ADAM23: variants seen among roughly 807,000 people sequenced by gnomAD.
The protein encoded by ADAM23 is disintegrin and metalloproteinase domain-containing protein 23.
A neutral mutation model predicts 120.1 loss-of-function variants in ADAM23; 33 were observed. The ratio of observed to expected loss-of-function variants is 0.27; its 90% confidence interval spans 0.21 to 0.37. The LOEUF (loss-of-function observed/expected upper bound fraction) is 0.37. Among genes scored for constraint, ADAM23 ranks in the 10% least tolerant of loss-of-function variants. The pLI, the probability that ADAM23 is intolerant of heterozygous loss-of-function variation, is 1.00. For missense variants in ADAM23, 862 were observed against 1,058.2 expected (o/e 0.81, Z 2.57); for synonymous variants, 367 against 375.2 (o/e 0.98, Z 0.25).
intron 17 of ADAM23, 119 bp downstream of exon 17, chr2:206,571,935 G>A: frequency 1.3e-6 from 1 of 767,574 alleles, no homozygotes. Flanking sequence ...GTACATATTA[G>A]CCTGGCAGTT....
chr2:206,532,049 T>C (rs1697075748), intron 4 of ADAM23, among the ~76,000 whole-genome samples: 1 of 152,224 alleles, frequency 6.6e-6, no homozygotes, highest in Non-Finnish European at 1.5e-5. Flanking sequence ...AGTTGTCAGT[T>C]CTTGCCTTAG....
At chr2:206,448,498 TG>T in intron 2 of ADAM23, among the ~76,000 whole-genome samples, 1 of 62,506 alleles carries the variant, frequency 1.6e-5, no homozygotes, top group South Asian at 5.8e-4. Flanking sequence ...TCCAGAGTGA[TG>T]AGTGTCTTTC....
chr2:206,554,190 A>T (rs1574530440), intron 9 of ADAM23, among the ~76,000 whole-genome samples: 1 of 152,162 alleles, frequency 6.6e-6, no homozygotes, highest in African/African-American at 2.4e-5. Context: ...AAAAATGCAG[A>T]TATCTTATTT....
intron 9 of ADAM23, among the ~76,000 whole-genome samples, chr2:206,553,592 C>T (rs1423364496): frequency 6.6e-6 from 1 of 152,090 alleles, no homozygotes; most frequent in Non-Finnish European, 1.5e-5. Context: ...CCATAATAGT[C>T]CCAAATACGT....
chr2:206,452,948 C>A (rs193023802), intron 2 of ADAM23, among the ~76,000 whole-genome samples: 1 of 152,162 alleles, frequency 6.6e-6, no homozygotes, highest in Non-Finnish European at 1.5e-5. Context: ...TCTGTCAATC[C>A]ATCAGTCCCA....
intron 4 of ADAM23, among the ~76,000 whole-genome samples, chr2:206,534,529 G>A (rs1320238279): frequency 6.6e-6 from 1 of 151,336 alleles, no homozygotes. Context: ...CTCTTAGCAT[G>A]TTTCAAGTAC....
chr2:206,610,519 G>A (rs1225724939), intron 25 of ADAM23, among the ~76,000 whole-genome samples: 1 of 152,162 alleles, frequency 6.6e-6, no homozygotes, highest in Non-Finnish European at 1.5e-5. Flanking sequence ...AAAAGTATTT[G>A]TATAATCCTC....
intron 25 of ADAM23, among the ~76,000 whole-genome samples, chr2:206,612,063 C>G (rs1457180233): frequency 1.3e-5 from 2 of 152,030 alleles, no homozygotes; most frequent in Non-Finnish European, 2.9e-5. Flanking sequence ...TTTCATGCCC[C>G]GAAGCAAAGA....
At chr2:206,523,990 A>G (rs1696896894) in intron 3 of ADAM23, among the ~76,000 whole-genome samples, 1 of 152,118 alleles carries the variant, frequency 6.6e-6, no homozygotes, top group African/African-American at 2.4e-5. Context: ...CATTAAATGA[A>G]TGAAATGTGT....
At chr2:206,520,516 T>C (rs1398510055) in intron 3 of ADAM23, among the ~76,000 whole-genome samples, 2 of 152,206 alleles carry the variant, frequency 1.3e-5, no homozygotes, top group African/African-American at 4.8e-5. Context: ...AATCATTTCT[T>C]TAATTCTCTT....
In ADAM23 at chr2:206,543,103, C is replaced by T. The variant is rs934133450; in HGVS notation, c.657-150C>T. The T allele has an allele frequency of 6.0e-6, 4 of 665,194 alleles. No homozygotes were observed. In the African/African-American group the frequency reaches 7.2e-5, roughly 12 times the overall value. The allele number at this position is 665,194 out of a possible 1,614,324, so 41.2% of individuals were successfully genotyped here. The stretch of plus-strand genomic sequence containing the variant: ...GCTGGGGCCACACTGGGACTCCATG[C>T]AGATATGTGAATTAAACTTGTGACA... On this transcript the variant is annotated intron_variant, in intron 5 of 25. Transcript: ENST00000264377.
At chr2:206,452,358 T>G (rs368016706) in intron 2 of ADAM23, among the ~76,000 whole-genome samples, 2 of 152,220 alleles carry the variant, frequency 1.3e-5, no homozygotes, top group African/African-American at 4.8e-5. Flanking sequence ...CTGTTGAAAG[T>G]CTTGCTTCAG....
chr2:206,572,931 T>TCTAC (rs1329211006), intron 17 of ADAM23, among the ~76,000 whole-genome samples, 184 bp from the exon 18 acceptor site: 1 of 152,182 alleles, frequency 6.6e-6, no homozygotes, highest in African/African-American at 2.4e-5. Context: ...TCATCTTTAG[T>TCTAC]GTAGAGGGTA....
At chr2:206,557,839 G>A (rs887054872) in intron 10 of ADAM23, among the ~76,000 whole-genome samples, 26 of 152,124 alleles carry the variant, frequency 1.7e-4, no homozygotes, top group Non-Finnish European at 7.4e-5. Context: ...AAACAACTGG[G>A]CTTTTCTTAA....
chr2:206,608,873 A>AT (rs1223424852), intron 24 of ADAM23, among the ~76,000 whole-genome samples: 1 of 152,174 alleles, frequency 6.6e-6, no homozygotes, highest in Non-Finnish European at 1.5e-5. Flanking sequence ...AAACTCAAGG[A>AT]TTTTCGGGAA....
intron 9 of ADAM23, among the ~76,000 whole-genome samples, chr2:206,551,706 A>T (rs571696584): frequency 8.5e-4 from 129 of 152,322 alleles, no homozygotes; most frequent in African/African-American, 2.9e-3. Context: ...CTAGAAATTT[A>T]AAAAAATAGT....
Position 206,619,916 on chromosome 2 carries a change from A to G in ADAM23, c.*2289A>G, listed in dbSNP as rs769115992. ...GCCTCTCAGCCTTACTCCTGGCTTC[A>G]TAGGACACAGGTAGCATCCCTCTAG... On this transcript the variant is annotated 3_prime_UTR_variant, in exon 26 of 26. Transcript: ENST00000264377. 6.6e-6 allele frequency: 1 copy of G among 152,200 alleles called. No individual in the cohort carries two copies. The highest frequency in any genetic ancestry group is 1.5e-5 in the Non-Finnish European group (1 of 68,046). The allele number at this position is 152,200 out of a possible 1,614,324, so 9.4% of individuals were successfully genotyped here.
At chr2:206,490,913 T>C (rs955906180) in intron 3 of ADAM23, among the ~76,000 whole-genome samples, 13 of 152,218 alleles carry the variant, frequency 8.5e-5, no homozygotes, top group Non-Finnish European at 1.6e-4. Context: ...TGAAAACATA[T>C]ACAATAAAAG....
intron 24 of ADAM23, among the ~76,000 whole-genome samples, chr2:206,598,814 T>C: frequency 6.7e-6 from 1 of 150,328 alleles, no homozygotes; most frequent in East Asian, 2.0e-4. Flanking sequence ...GCACGAGAAT[T>C]GCTTGAACCC....
Sources: gnomAD v4.1 joint callset for allele counts (sites outside exome capture counted in the v4.1 genomes callset) on GRCh38, gnomAD v4.1.1 for gene constraint, MANE v1.5 for transcripts, NCBI Gene and HGNC (gene_info 2026-07-23, HGNC 2026-07-21) for gene names.